Variants in KCNIP4 observed in about 807,000 individuals in gnomAD.
KCNIP4 encodes the protein potassium voltage-gated channel interacting protein 4, also known as Kv channel-interacting protein 4.
KCNIP4 carries 12 observed loss-of-function variants against 34.0 expected under a neutral mutation model. That is an observed-to-expected ratio of 0.35 (90% CI 0.23 to 0.57). The LOEUF is 0.57. Among genes scored for constraint, KCNIP4 ranks in the 20% least tolerant of loss-of-function variants. KCNIP4 has a pLI of 0.83. For missense variants in KCNIP4, 238 were observed against 311.7 expected (o/e 0.76, Z 1.78); for synonymous variants, 124 against 102.2 (o/e 1.21, Z -1.29).
intron 1 of KCNIP4, among the ~76,000 whole-genome samples, chr4:21,107,420 C>A (rs1183520072): frequency 2.0e-5 from 3 of 150,968 alleles, no homozygotes; most frequent in African/African-American, 5.0e-5. Flanking sequence ...AGGATTGCAA[C>A]CCCTGCCTTT....
rs560888989 is a variant in KCNIP4, at chr4:21,249,417, A to C, written c.62-366708T>G. On this transcript the variant is annotated intron_variant, in intron 1 of 8. Coordinates refer to ENST00000382152, the MANE Select transcript of KCNIP4 (RefSeq NM_025221.6). ...GTAAAAGCGATGGTATGTATGTATTAAGGTTCTCTTCCTCTAACCTTGGAA... is the reference window on the plus strand; with the variant it reads ...GTAAAAGCGATGGTATGTATGTATTCAGGTTCTCTTCCTCTAACCTTGGAA... 2.0e-5 allele frequency among the ~76,000 whole-genome samples: 3 copies of C among 152,220 alleles called. 1 individual carries two copies. The highest frequency in any genetic ancestry group is 7.2e-5 in the African/African-American group (3 of 41,562).
intron 5 of KCNIP4, among the ~76,000 whole-genome samples, chr4:20,743,447 G>A (rs1751657956): frequency 3.3e-5 from 5 of 152,086 alleles, no homozygotes. Flanking sequence ...ACAGAACAGA[G>A]CCCTCGGAAA....
At chr4:20,744,724 A>C (rs1752029789) in intron 5 of KCNIP4, among the ~76,000 whole-genome samples, 1 of 152,212 alleles carries the variant, frequency 6.6e-6, no homozygotes, top group Non-Finnish European at 1.5e-5. Context: ...ATATGTAACA[A>C]ACCTGCACAT....
chr4:21,307,147 T>G (rs1712574338), intron 1 of KCNIP4, among the ~76,000 whole-genome samples: 1 of 152,174 alleles, frequency 6.6e-6, no homozygotes, highest in South Asian at 2.1e-4. Flanking sequence ...CAGGAACTAT[T>G]GAAGAGCATC....
At chr4:21,465,764 C>T (rs763246108) in intron 1 of KCNIP4, among the ~76,000 whole-genome samples, 1 of 152,180 alleles carries the variant, frequency 6.6e-6, no homozygotes, top group Non-Finnish European at 1.5e-5. Flanking sequence ...AGTGGGCACT[C>T]TCCAAGAGTG....
intron 1 of KCNIP4, among the ~76,000 whole-genome samples, chr4:21,275,701 T>A (rs933121606): frequency 1.3e-5 from 2 of 152,156 alleles, no homozygotes; most frequent in Non-Finnish European, 2.9e-5. Context: ...CTCTTTGCTA[T>A]TTTCACCATT....
At chr4:21,302,602 T>C (rs61643027) in intron 1 of KCNIP4, among the ~76,000 whole-genome samples, 4,378 of 152,286 alleles carry the variant, frequency 0.029, 126 homozygotes, top group East Asian at 0.095. Context: ...ATCCTCTTTC[T>C]AGAACTACAG....
chr4:20,851,881 G>T (rs73242526), intron 2 of KCNIP4, among the ~76,000 whole-genome samples: 53,440 of 152,034 alleles, frequency 0.35, 10,389 homozygotes, highest in Admixed American at 0.46. Flanking sequence ...GGATTCCAAT[G>T]AAATCAGATA....
At chr4:21,077,457 T>A (rs1745589864) in intron 1 of KCNIP4, among the ~76,000 whole-genome samples, 1 of 152,130 alleles carries the variant, frequency 6.6e-6, no homozygotes, top group East Asian at 1.9e-4. Flanking sequence ...TACTAACTCA[T>A]AAGAAGTTCA....
At chr4:21,804,854 T>G (rs941235081) in intron 1 of KCNIP4, among the ~76,000 whole-genome samples, 7 of 152,146 alleles carry the variant, frequency 4.6e-5, no homozygotes, top group Non-Finnish European at 8.8e-5. Context: ...TTCCACTCAC[T>G]AACAAACAAT....
chr4:21,499,330 C>CAAAAAAAAAA (rs527385773), intron 1 of KCNIP4, among the ~76,000 whole-genome samples: 5 of 98,250 alleles, frequency 5.1e-5, no homozygotes, highest in African/African-American at 2.0e-4. Context: ...GACTCCATCT[C>CAAAAAAAAAA]AAAAAAAAAA....
At chr4:21,752,740 C>T (rs956547758) in intron 1 of KCNIP4, among the ~76,000 whole-genome samples, 1 of 152,116 alleles carries the variant, frequency 6.6e-6, no homozygotes, top group Non-Finnish European at 1.5e-5. Context: ...TCTTTAGGAG[C>T]CTGCTACTAG....
At chr4:21,086,675 G>A (rs569720608) in intron 1 of KCNIP4, among the ~76,000 whole-genome samples, 2 of 152,148 alleles carry the variant, frequency 1.3e-5, no homozygotes, top group East Asian at 3.9e-4. Flanking sequence ...TTAGAGAGGT[G>A]GTTCTTCTCC....
intron 5 of KCNIP4, among the ~76,000 whole-genome samples, chr4:20,745,631 G>T (rs1158134324): frequency 6.6e-6 from 1 of 152,160 alleles, no homozygotes; most frequent in Non-Finnish European, 1.5e-5. Flanking sequence ...GGGGTGGAGA[G>T]GTCTGTACCG....
intron 1 of KCNIP4, among the ~76,000 whole-genome samples, chr4:21,668,006 A>G (rs1441050711): frequency 6.6e-6 from 1 of 152,216 alleles, no homozygotes; most frequent in Non-Finnish European, 1.5e-5. Flanking sequence ...TAGACTGGAT[A>G]AAGAAAATGT....
At chr4:20,984,017 A>C in intron 1 of KCNIP4, 8 of 1,498,880 alleles carry the variant, frequency 5.3e-6, no homozygotes, top group Non-Finnish European at 7.1e-6. Context: ...CTTGGAACAA[A>C]GACTTGCAAG....
At chr4:21,261,147 G>T (rs561414618) in intron 1 of KCNIP4, among the ~76,000 whole-genome samples, 3 of 152,106 alleles carry the variant, frequency 2.0e-5, no homozygotes, top group African/African-American at 7.2e-5. Flanking sequence ...TCCATAGAAG[G>T]CTTGATTATA....
intron 1 of KCNIP4, among the ~76,000 whole-genome samples, chr4:21,720,066 GA>G (rs397878206): frequency 3.4e-4 from 49 of 144,182 alleles, no homozygotes; most frequent in East Asian, 2.3e-3. Flanking sequence ...AGAAGAAGAA[GA>G]AAAAAAAAAC....
In KCNIP4 at chr4:20,882,600, A is replaced by G. The variant is rs368140885; in HGVS notation, c.163+8T>C. On this transcript the variant is annotated splice_region_variant and intron_variant, in intron 2 of 8. Coordinates refer to ENST00000382152, the MANE Select transcript of KCNIP4 (RefSeq NM_025221.6). ...GGAGGAAAAAAAAAAACAAAAAAAC[A>G]AACTTGCTTTGAATAGCAGGAGACG... 1.9e-6 allele frequency: 3 copies of G among 1,607,322 alleles called. No individual in the cohort carries two copies. Among genetic ancestry groups the G allele is most frequent in the Non-Finnish European group, 2.6e-6 (3 of 1,175,640 alleles).
Sources: gnomAD v4.1 joint callset for allele counts (sites outside exome capture counted in the v4.1 genomes callset) on GRCh38, gnomAD v4.1.1 for gene constraint, MANE v1.5 for transcripts, NCBI Gene and HGNC (gene_info 2026-07-23, HGNC 2026-07-21) for gene names.